The following CHST9 variants were observed in gnomAD, a reference collection of about 807,000 sequenced individuals.
The protein encoded by CHST9 is GalNAc-4-sulfotransferase 2.
Under a neutral mutation model 44.4 loss-of-function variants are expected in CHST9, and 41 were observed. That is an observed-to-expected ratio of 0.92 (90% CI 0.72 to 1.20). The LOEUF is 1.20. Ranked by LOEUF, CHST9 falls within the 50% of genes most tolerant of loss-of-function variation. The pLI is 0.00. For synonymous variants in CHST9, 171 were observed against 178.4 expected, an observed-to-expected ratio of 0.96 and a Z score of 0.33; for missense variants, 504 against 516.5, an observed-to-expected ratio of 0.98 and a Z score of 0.23.
chr18:27,064,909 T>C (rs2057764551), intron 2 of CHST9, among the ~76,000 whole-genome samples: 1 of 152,178 alleles, frequency 6.6e-6, no homozygotes, highest in Admixed American at 6.5e-5. Flanking sequence ...AAGCATCACA[T>C]GCCACCTCTT....
intron 4 of CHST9, among the ~76,000 whole-genome samples, chr18:26,997,081 C>T (rs1359171863): frequency 2.0e-5 from 3 of 152,202 alleles, no homozygotes; most frequent in African/African-American, 4.8e-5. Context: ...TTGCTAGCTA[C>T]GTAGGTATGT....
intron 3 of CHST9, among the ~76,000 whole-genome samples, chr18:27,038,287 T>C (rs1254093451): frequency 6.6e-6 from 1 of 152,236 alleles, no homozygotes; most frequent in Non-Finnish European, 1.5e-5. Context: ...GGCTCATGCC[T>C]GTAATCCCAG....
chr18:27,151,687 C>T (rs1367651488), intron 1 of CHST9, among the ~76,000 whole-genome samples: 1 of 152,030 alleles, frequency 6.6e-6, no homozygotes, highest in Admixed American at 6.6e-5. Context: ...CTGGAATCAC[C>T]TTTGTTCATT....
chr18:26,975,607 C>G (rs747288407), intron 4 of CHST9, among the ~76,000 whole-genome samples: 6 of 147,018 alleles, frequency 4.1e-5, no homozygotes, highest in Non-Finnish European at 8.9e-5. Context: ...AGGACATGAT[C>G]TTATTCTTTT....
intron 2 of CHST9, among the ~76,000 whole-genome samples, chr18:27,066,384 A>C (rs1160007966): frequency 6.6e-6 from 1 of 152,214 alleles, no homozygotes; most frequent in African/African-American, 2.4e-5. Flanking sequence ...AGTTAAAAGA[A>C]ATGCTGAATA....
intron 3 of CHST9, among the ~76,000 whole-genome samples, chr18:27,036,727 C>T (rs1447705982): frequency 1.3e-5 from 2 of 152,136 alleles, no homozygotes; most frequent in African/African-American, 4.8e-5. Context: ...GTGCTTATAC[C>T]TGCAATGAGC....
chr18:27,038,587 TG>T (rs1425366507), intron 3 of CHST9, among the ~76,000 whole-genome samples: 1 of 152,160 alleles, frequency 6.6e-6, no homozygotes, highest in African/African-American at 2.4e-5. Flanking sequence ...GTGTCCACTA[TG>T]GTAGCTGCTG....
At chr18:27,053,335 T>TA (rs200925110) in intron 2 of CHST9, among the ~76,000 whole-genome samples, 9 of 48,890 alleles carry the variant, frequency 1.8e-4, no homozygotes, top group East Asian at 4.9e-4. Context: ...AAGATTTCAT[T>TA]AAAAAAAAAA....
At chr18:27,053,679 G>A (rs565808583) in intron 2 of CHST9, among the ~76,000 whole-genome samples, 12 of 152,168 alleles carry the variant, frequency 7.9e-5, no homozygotes, top group African/African-American at 2.2e-4. Context: ...TATGACCTTG[G>A]ACAATTTGGC....
At chr18:26,939,272 T>C (rs561731918) in intron 5 of CHST9, among the ~76,000 whole-genome samples, 1 of 152,342 alleles carries the variant, frequency 6.6e-6, no homozygotes, top group African/African-American at 2.4e-5. Context: ...TTAGGTCTTA[T>C]ATGAGTAAAT....
intron 4 of CHST9, among the ~76,000 whole-genome samples, chr18:27,022,504 A>C (rs1287628722): frequency 6.6e-6 from 1 of 152,134 alleles, no homozygotes; most frequent in African/African-American, 2.4e-5. Context: ...ATTGTTTTCG[A>C]CCACTTAAAG....
chr18:27,119,071 A>C (rs965191980), intron 2 of CHST9, among the ~76,000 whole-genome samples: 11 of 152,232 alleles, frequency 7.2e-5, no homozygotes, highest in East Asian at 1.9e-4. Flanking sequence ...CATTTTCACA[A>C]GTCTTTGAAA....
In CHST9 at chr18:27,023,956, C is replaced by T. The variant is rs549598427; in HGVS notation, c.202+160G>A. On this transcript the variant is annotated intron_variant, in intron 4 of 5. Coordinates refer to ENST00000618847, the MANE Select transcript of CHST9 (RefSeq NM_031422.6). Reference sequence around the variant, plus strand: ...TTTCTCCCCACCCTCCAAGACTTTACGCACTCCAAAAATGCCACCTAGGCA... The same window carrying T: ...TTTCTCCCCACCCTCCAAGACTTTATGCACTCCAAAAATGCCACCTAGGCA... Among the ~76,000 whole-genome samples, 12 of 152,244 alleles carry T rather than the reference C, an allele frequency of 7.9e-5. No homozygotes were observed. The South Asian group carries it at 1.9e-3, about 24-fold the overall frequency.
intron 2 of CHST9, among the ~76,000 whole-genome samples, chr18:27,064,814 C>A (rs1366500008): frequency 6.6e-6 from 1 of 152,122 alleles, no homozygotes; most frequent in Non-Finnish European, 1.5e-5. Flanking sequence ...ACAATGCACA[C>A]ACAATTTGAA....
chr18:26,988,458 A>G (rs571737493), intron 4 of CHST9, among the ~76,000 whole-genome samples: 19 of 152,334 alleles, frequency 1.2e-4, no homozygotes, highest in African/African-American at 4.1e-4. Context: ...AAAGAAGGTC[A>G]TATCATAATA....
At chr18:27,035,256 T>C (rs1471814) in intron 3 of CHST9, among the ~76,000 whole-genome samples, 152,333 of 152,338 alleles carry the variant, frequency 1, 76,164 homozygotes, top group Middle Eastern at 1. Flanking sequence ...TGATGATTAG[T>C]GGTGTTGAAT....
At chr18:27,149,267 T>A (rs187086692) in intron 1 of CHST9, among the ~76,000 whole-genome samples, 20 of 151,586 alleles carry the variant, frequency 1.3e-4, no homozygotes, top group South Asian at 6.4e-4. Context: ...TTTAATTAGA[T>A]CCCATTTGTC....
intron 2 of CHST9, among the ~76,000 whole-genome samples, chr18:27,139,933 C>T (rs1027845431): frequency 7.2e-5 from 11 of 152,130 alleles, no homozygotes; most frequent in Admixed American, 3.3e-4. Flanking sequence ...AACATCTGTA[C>T]TGATACTACT....
At chr18:27,025,524 G>C (rs1370513444) in intron 3 of CHST9, among the ~76,000 whole-genome samples, 2 of 152,072 alleles carry the variant, frequency 1.3e-5, no homozygotes, top group Non-Finnish European at 2.9e-5. Context: ...ATGCTATTCT[G>C]TTTTTAGAAT....
Sources: allele counts gnomAD v4.1 joint callset (sites outside exome capture counted in the v4.1 genomes callset), GRCh38; gene constraint gnomAD v4.1.1; transcripts MANE v1.5; gene names NCBI Gene and HGNC (gene_info 2026-07-23, HGNC 2026-07-21).